Variants in FOXP1 observed in about 807,000 individuals in gnomAD.
FOXP1 encodes forkhead box protein P1.
FOXP1 carries 15 observed loss-of-function variants against 98.2 expected under a neutral mutation model. The observed-to-expected ratio is 0.15, with a 90% CI of 0.10 to 0.24. The LOEUF is 0.24. Ranked by LOEUF, FOXP1 falls within the 10% of genes least tolerant of loss-of-function variation. The probability of loss-of-function intolerance (pLI) is 1.00; values close to 1 mark genes in which losing one functional copy is unlikely to be tolerated. For synonymous variants in FOXP1, 371 were observed against 314.5 expected (o/e 1.18, Z -1.90); for missense variants, 633 against 848.5 (o/e 0.75, Z 3.15).
chr3:71,048,798 C>A (rs72964075), intron 9 of FOXP1, among the ~76,000 whole-genome samples: 3,689 of 136,762 alleles, frequency 0.027, 159 homozygotes, highest in African/African-American at 0.098. Context: ...TGAAAGCAGA[C>A]TATAATGGGG....
At chr3:71,472,395 A>T (rs2089442681) in intron 3 of FOXP1, among the ~76,000 whole-genome samples, 1 of 152,322 alleles carries the variant, frequency 6.6e-6, no homozygotes, top group African/African-American at 2.4e-5. Context: ...TATGGGTCCG[A>T]GAGGATTCAG....
intron 3 of FOXP1, among the ~76,000 whole-genome samples, chr3:71,361,908 A>G (rs2078597604): frequency 6.6e-6 from 1 of 152,246 alleles, no homozygotes; most frequent in Non-Finnish European, 1.5e-5. Flanking sequence ...CCGGAGAAAA[A>G]TAAGGAACAG....
intron 3 of FOXP1, among the ~76,000 whole-genome samples, chr3:71,482,367 C>CA (rs2090340479): frequency 8.8e-6 from 1 of 114,124 alleles, no homozygotes; most frequent in African/African-American, 3.4e-5. Flanking sequence ...AATACATAAC[C>CA]TTTTTTTTTT....
At chr3:71,311,062 CT>C (rs2074649351) in intron 4 of FOXP1, among the ~76,000 whole-genome samples, 1 of 152,142 alleles carries the variant, frequency 6.6e-6, no homozygotes, top group South Asian at 2.1e-4. Flanking sequence ...TTGCATCCCC[CT>C]CCCACTTTTT....
chr3:71,314,702 T>A (rs1447090833), intron 4 of FOXP1, among the ~76,000 whole-genome samples: 1 of 151,806 alleles, frequency 6.6e-6, no homozygotes, highest in East Asian at 1.9e-4. Flanking sequence ...AAGATTGGGG[T>A]CTCACCTACC....
intron 3 of FOXP1, among the ~76,000 whole-genome samples, chr3:71,481,048 A>G (rs1267657521): frequency 2.6e-5 from 4 of 152,220 alleles, no homozygotes; most frequent in Non-Finnish European, 5.9e-5. Context: ...TCACTACAAT[A>G]CATTGATAGA....
intron 7 of FOXP1, among the ~76,000 whole-genome samples, chr3:71,056,287 C>A (rs1169760322): frequency 6.6e-6 from 1 of 152,196 alleles, no homozygotes; most frequent in Non-Finnish European, 1.5e-5. Context: ...TGTCCCTTAA[C>A]TGTCAATAAT....
intron 3 of FOXP1, among the ~76,000 whole-genome samples, chr3:71,456,454 A>C (rs1477631811): frequency 1.3e-5 from 2 of 152,174 alleles, no homozygotes; most frequent in African/African-American, 4.8e-5. Flanking sequence ...CTGATATTTC[A>C]TATACATATT....
chr3:71,108,940 G>A (rs1339946615), intron 7 of FOXP1, among the ~76,000 whole-genome samples: 1 of 152,188 alleles, frequency 6.6e-6, no homozygotes, highest in African/African-American at 2.4e-5. Flanking sequence ...TCACCAACTT[G>A]CACTTAATTA....
Position 70,976,958 on chromosome 3 carries a change from T to C in FOXP1, c.1513A>G (p.Asn505Asp). ...AAGCTTACCTTCCACGTGGCCGCGT[T>C]GCGTCGGAAGTAAGCAAACATTCGT... ...FTRMFAYFRR[N>D]AATWKNAVRH... The change falls in exon 17 of 21, where the codon AAC becomes GAC. Residue 505 changes from asparagine (N) to aspartate (D), a missense_variant. Asn to Asp is a conservative substitution (Grantham distance 23). Coordinates refer to ENST00000649528, the MANE Select transcript of FOXP1 (RefSeq NM_001349338.3). 6.2e-7 allele frequency: 1 copy of C among 1,613,868 alleles called. No homozygotes were observed. The highest frequency in any genetic ancestry group is 8.5e-7 in the Non-Finnish European group (1 of 1,179,714).
At chr3:71,036,044 A>G (rs61273516) in intron 11 of FOXP1, among the ~76,000 whole-genome samples, 3,791 of 152,332 alleles carry the variant, frequency 0.025, 157 homozygotes, top group African/African-American at 0.083. Context: ...TTTGAAAATA[A>G]CAAGGCCTGT....
chr3:71,067,490 G>T (rs890184207), intron 7 of FOXP1, among the ~76,000 whole-genome samples: 7 of 152,150 alleles, frequency 4.6e-5, no homozygotes, highest in African/African-American at 7.2e-5. Context: ...AAAAATTTTG[G>T]ATTGTGGGTG....
chr3:71,179,073 C>A (rs1435538726), intron 6 of FOXP1, among the ~76,000 whole-genome samples: 1 of 147,860 alleles, frequency 6.8e-6, no homozygotes, highest in African/African-American at 2.5e-5. Context: ...GAAATATACT[C>A]ATTTATTGAA....
chr3:71,254,043 T>G (rs960895789), intron 5 of FOXP1, among the ~76,000 whole-genome samples: 1 of 152,232 alleles, frequency 6.6e-6, no homozygotes, highest in African/African-American at 2.4e-5. Context: ...TCTACCTTCC[T>G]GAATTGGTTT....
chr3:70,972,063 C>T (rs1435085179), intron 18 of FOXP1: 1 of 1,515,584 alleles, frequency 6.6e-7, no homozygotes, highest in African/African-American at 1.4e-5. Context: ...CGAGGACGGC[C>T]TCGTTGAATA....
intron 3 of FOXP1, among the ~76,000 whole-genome samples, chr3:71,492,798 G>C (rs751940552): frequency 6.6e-6 from 1 of 152,134 alleles, no homozygotes; most frequent in Non-Finnish European, 1.5e-5. Context: ...TACTACAGGG[G>C]AGTCATTGAT....
chr3:71,048,683 C>T (rs1378049117), intron 9 of FOXP1, among the ~76,000 whole-genome samples: 3 of 151,808 alleles, frequency 2.0e-5, no homozygotes, highest in South Asian at 2.1e-4. Flanking sequence ...CATGTCAAAA[C>T]GATTTTTTCA....
chr3:71,407,135 C>T lies in FOXP1; in HGVS notation c.-167-47891G>A, dbSNP rs530128786. 3.3e-5 allele frequency among the ~76,000 whole-genome samples: 5 copies of T among 152,180 alleles called. No individual in the cohort carries two copies. In the East Asian group the frequency reaches 7.7e-4, roughly 24 times the overall value. On this transcript the variant is annotated intron_variant, in intron 3 of 20. Transcript: ENST00000649528. ...TCTGTTTCTTGCATTGGGAACGGCACGCCACCCATTCTCCCCAGCACACAG... is the reference window on the plus strand; with the variant it reads ...TCTGTTTCTTGCATTGGGAACGGCATGCCACCCATTCTCCCCAGCACACAG...
chr3:71,264,156 G>A (rs1407168227), intron 5 of FOXP1, among the ~76,000 whole-genome samples: 1 of 152,144 alleles, frequency 6.6e-6, no homozygotes, highest in Non-Finnish European at 1.5e-5. Context: ...TTTAGGGTAA[G>A]AAGCATGTAA....
Sources: allele counts gnomAD v4.1 joint callset (sites outside exome capture counted in the v4.1 genomes callset), GRCh38; gene constraint gnomAD v4.1.1; transcripts MANE v1.5; gene names NCBI Gene and HGNC (gene_info 2026-07-23, HGNC 2026-07-21).